Variants in ARL15 observed in about 807,000 individuals in gnomAD.
The protein encoded by ARL15 is ADP-ribosylation factor-like protein 15.
ARL15 carries 19 observed loss-of-function variants against 25.2 expected under a neutral mutation model. The ratio of observed to expected loss-of-function variants is 0.75; its 90% confidence interval spans 0.53 to 1.10. The LOEUF is 1.10. Ranked by LOEUF, ARL15 falls within the 50% of genes least tolerant of loss-of-function variation. The pLI is 0.00. For missense variants in ARL15, 220 were observed against 246.0 expected (o/e 0.89, Z 0.71); for synonymous variants, 94 against 86.8 (o/e 1.08, Z -0.46).
intron 4 of ARL15, among the ~76,000 whole-genome samples, chr5:53,888,647 A>G (rs920698795): frequency 4.6e-5 from 7 of 152,304 alleles, no homozygotes; most frequent in Non-Finnish European, 8.8e-5. Context: ...TCTTTATGGC[A>G]CTGAAAACTA....
At chr5:54,172,973 C>T (rs1318105797) in intron 1 of ARL15, among the ~76,000 whole-genome samples, 1 of 151,972 alleles carries the variant, frequency 6.6e-6, no homozygotes, top group African/African-American at 2.4e-5. Flanking sequence ...AATCCCAGCA[C>T]TTTGGGACCA....
chr5:53,983,851 C>T (rs1748204345), intron 4 of ARL15, among the ~76,000 whole-genome samples: 1 of 152,170 alleles, frequency 6.6e-6, no homozygotes. Context: ...GTTCAGCATA[C>T]TTTTAATGCT....
intron 1 of ARL15, among the ~76,000 whole-genome samples, chr5:54,197,205 C>G (rs1452271370): frequency 6.6e-6 from 1 of 151,974 alleles, no homozygotes; most frequent in Non-Finnish European, 1.5e-5. Flanking sequence ...CTTTCAGCAG[C>G]AAGAACACAA....
chr5:54,104,993 G>C (rs1420870281), intron 4 of ARL15, among the ~76,000 whole-genome samples: 1 of 151,690 alleles, frequency 6.6e-6, no homozygotes, highest in Non-Finnish European at 1.5e-5. Context: ...ATTAGTCTCA[G>C]CCATCTCAGA....
At chr5:54,052,362 T>C (rs923350961) in intron 4 of ARL15, among the ~76,000 whole-genome samples, 8 of 152,234 alleles carry the variant, frequency 5.3e-5, no homozygotes, top group Non-Finnish European at 7.4e-5. Context: ...ACATATTACA[T>C]TGCATACAAC....
chr5:54,233,239 G>T (rs1756720251), intron 1 of ARL15, among the ~76,000 whole-genome samples: 1 of 152,194 alleles, frequency 6.6e-6, no homozygotes. Flanking sequence ...TCAAGGAAAA[G>T]TACTCGTGAA....
chr5:54,282,940 A>T (rs1193408991), intron 1 of ARL15, among the ~76,000 whole-genome samples: 2 of 152,228 alleles, frequency 1.3e-5, no homozygotes, highest in Non-Finnish European at 2.9e-5. Flanking sequence ...AACCATGCAT[A>T]CCAAACATGA....
intron 4 of ARL15, among the ~76,000 whole-genome samples, chr5:53,981,731 A>G (rs1019651708): frequency 1.3e-5 from 2 of 152,016 alleles, no homozygotes; most frequent in African/African-American, 4.8e-5. Flanking sequence ...CCCCATCTCT[A>G]TTAAAAATAC....
chr5:54,188,558 G>A (rs1042350335), intron 1 of ARL15, among the ~76,000 whole-genome samples: 1 of 121,774 alleles, frequency 8.2e-6, no homozygotes, highest in Non-Finnish European at 1.8e-5. Context: ...GACAGTATTT[G>A]CCAGAGATAA....
chr5:54,151,161 A>C (rs1754058351), intron 3 of ARL15, among the ~76,000 whole-genome samples: 1 of 152,184 alleles, frequency 6.6e-6, no homozygotes, highest in African/African-American at 2.4e-5. Flanking sequence ...AATAAGGGCA[A>C]AACAGAAGAA....
At chr5:53,985,082 T>G (rs1418395188) in intron 4 of ARL15, among the ~76,000 whole-genome samples, 1 of 152,222 alleles carries the variant, frequency 6.6e-6, no homozygotes, top group East Asian at 1.9e-4. Context: ...ATAGCCAGAT[T>G]CTAGCCCATG....
chr5:54,080,968 G>C (rs1361056268), intron 4 of ARL15, among the ~76,000 whole-genome samples: 1 of 152,116 alleles, frequency 6.6e-6, no homozygotes, highest in Non-Finnish European at 1.5e-5. Flanking sequence ...TTCACGTAGG[G>C]AAAAAGAGAG....
chr5:54,197,559 T>C (rs1016203681), intron 1 of ARL15, among the ~76,000 whole-genome samples: 22 of 152,240 alleles, frequency 1.4e-4, no homozygotes, highest in Non-Finnish European at 8.8e-5. Flanking sequence ...GAAATGCAAG[T>C]CCAAACAACA....
At chr5:54,295,365 A>G (rs13155990) in intron 1 of ARL15, among the ~76,000 whole-genome samples, 9,523 of 152,248 alleles carry the variant, frequency 0.063, 354 homozygotes, top group African/African-American at 0.094. Context: ...CTAAAACATC[A>G]CTAGCACAGG....
At position 54,310,559 on chromosome 5, in the gene ARL15, GA is replaced by G; in HGVS notation, c.-81del. ...CTCTGGCTGCGAGCGAGCAGCTCCT[GA>G]AAAAGCCAGCAACAGCGAAAATAGC... On this transcript the variant is annotated 5_prime_UTR_variant, in exon 1 of 5. Transcript: ENST00000504924. The G allele has an allele frequency of 6.7e-7, 1 of 1,481,744 alleles. No individual in the cohort carries two copies. Among genetic ancestry groups the G allele is most frequent in the Non-Finnish European group, 9.2e-7 (1 of 1,092,264 alleles). 91.8% of individuals were successfully genotyped at this position (1,481,744 alleles called of 1,614,324 possible). A position where few individuals can be genotyped will look rare whatever the true frequency, so the allele number is the denominator to read the frequency against.
At chr5:54,203,183 C>T (rs1221885087) in intron 1 of ARL15, among the ~76,000 whole-genome samples, 2 of 152,186 alleles carry the variant, frequency 1.3e-5, no homozygotes, top group South Asian at 2.1e-4. Context: ...CCACTCCCCC[C>T]TCACTGTTAA....
intron 4 of ARL15, among the ~76,000 whole-genome samples, chr5:53,961,207 T>A (rs965211558): frequency 6.6e-6 from 1 of 152,114 alleles, no homozygotes; most frequent in Admixed American, 6.5e-5. Context: ...TAATTATATA[T>A]ACAAGGATCA....
At chr5:54,277,669 G>A (rs535671468) in intron 1 of ARL15, among the ~76,000 whole-genome samples, 39 of 152,140 alleles carry the variant, frequency 2.6e-4, no homozygotes, top group African/African-American at 7.5e-4. Flanking sequence ...GGAGAATGGC[G>A]TGAACCCGGG....
At chr5:53,969,723 G>C (rs1430747123) in intron 4 of ARL15, among the ~76,000 whole-genome samples, 1 of 152,032 alleles carries the variant, frequency 6.6e-6, no homozygotes, top group East Asian at 1.9e-4. Flanking sequence ...TCTGAATTTT[G>C]TGAGTTGACA....
Sources: gnomAD v4.1 joint callset for allele counts (sites outside exome capture counted in the v4.1 genomes callset) on GRCh38, gnomAD v4.1.1 for gene constraint, MANE v1.5 for transcripts, NCBI Gene and HGNC (gene_info 2026-07-23, HGNC 2026-07-21) for gene names.